The following VPS26C variants were observed in gnomAD, a reference collection of about 807,000 sequenced individuals.
The protein encoded by VPS26C is vacuolar protein sorting-associated protein 26C.
A neutral mutation model predicts 30.6 loss-of-function variants in VPS26C; 19 were observed. The observed-to-expected ratio is 0.62, with a 90% confidence interval of 0.43 to 0.91. VPS26C has a LOEUF of 0.91. Ranked by LOEUF, VPS26C falls within the 40% of genes least tolerant of loss-of-function variation. The pLI is 0.00. For synonymous variants in VPS26C, 132 were observed against 151.5 expected, an observed-to-expected ratio of 0.87 and a Z score of 0.95; for missense variants, 318 against 385.1, an observed-to-expected ratio of 0.83 and a Z score of 1.46.
chr21:37,262,759 A>G (rs2086318080), intron 1 of VPS26C, among the ~76,000 whole-genome samples: 1 of 151,438 alleles, frequency 6.6e-6, no homozygotes. Context: ...CTTCTTCTGT[A>G]GCACGTTAAT....
chr21:37,267,012 GGCGGCGGCGCCTGCCCTGGGGCCTCCTC>G (rs1390231769), intron 1 of VPS26C, 198 bp downstream of exon 1: 3 of 570,622 alleles, frequency 5.3e-6, no homozygotes, highest in Non-Finnish European at 9.4e-6. Flanking sequence ...CCGCAGATGC[GGCGGCGGCGCCTGCCCTGGGGCCTCCTC>G]GCAGGGCAGC....
At chr21:37,230,864 G>C (rs1276303307) in intron 5 of VPS26C, 1 of 152,434 alleles carries the variant, frequency 6.6e-6, no homozygotes, top group Non-Finnish European at 1.5e-5. Flanking sequence ...TCACCAGATG[G>C]GGGAAGCTGC....
At chr21:37,240,675 A>C (rs758244341) in intron 1 of VPS26C, 36 bp from the exon 2 acceptor site, 12 of 1,604,884 alleles carry the variant, frequency 7.5e-6, no homozygotes, top group Non-Finnish European at 1.0e-5. Context: ...TCAAATTAGC[A>C]TGCTTCCTCC....
Position 37,240,404 on chromosome 21 carries a change from C to T in VPS26C, c.201+92G>A. The T allele has an allele frequency of 2.1e-6, 3 of 1,441,178 alleles. No homozygotes were observed. In the South Asian group the frequency reaches 3.8e-5, roughly 18 times the overall value. The allele number at this position is 1,441,178 out of a possible 1,614,324, so 89.3% of individuals were successfully genotyped here. ...CCTCCCAAATTACTGAGATTACAGG[C>T]CTGAGCCACTGCGCCTGGCCCTGAG... On this transcript the variant is annotated intron_variant, in intron 2 of 7. Transcript: ENST00000309117.
intron 1 of VPS26C, among the ~76,000 whole-genome samples, chr21:37,246,174 A>G (rs1026147763): frequency 4.6e-5 from 7 of 152,204 alleles, no homozygotes; most frequent in African/African-American, 7.2e-5. Flanking sequence ...GGAGCACTCA[A>G]TGAAAATACT....
At chr21:37,254,939 A>C (rs764805698) in intron 1 of VPS26C, among the ~76,000 whole-genome samples, 3 of 152,190 alleles carry the variant, frequency 2.0e-5, no homozygotes, top group Non-Finnish European at 4.4e-5. Context: ...CTGGGGACAG[A>C]TCACCTAAGG....
Position 37,228,196 on chromosome 21 carries a change from C to T in VPS26C, c.658+27G>A, listed in dbSNP as rs780653432. 1.2e-5 allele frequency: 19 copies of T among 1,603,638 alleles called. No individual in the cohort carries two copies. In the East Asian group the frequency reaches 2.0e-4, roughly 17 times the overall value. ...GTGGCAGTCGAGGGGGACAGGCAAG[C>T]GCCAGGCCTGGTGGCACGGCCCTCA... On this transcript the variant is annotated intron_variant, in intron 6 of 7. Transcript: ENST00000309117.
chr21:37,243,558 A>C (rs549701818), intron 1 of VPS26C, among the ~76,000 whole-genome samples: 1 of 152,314 alleles, frequency 6.6e-6, no homozygotes, highest in Admixed American at 6.5e-5. Context: ...AGTAAAGGAA[A>C]GAGCTTTCAT....
In VPS26C at chr21:37,226,388, GT is replaced by G. The variant is rs1555928887; in HGVS notation, c.812-763del. 1 of 152,336 alleles carries G rather than the reference GT, an allele frequency of 6.6e-6. No homozygotes were observed. Among genetic ancestry groups the G allele is most frequent in the Non-Finnish European group, 1.5e-5 (1 of 68,136 alleles). The allele number at this position is 152,336 out of a possible 1,614,324, so 9.4% of individuals were successfully genotyped here. A position where few individuals can be genotyped will look rare whatever the true frequency, so the allele number is the denominator to read the frequency against. The stretch of plus-strand genomic sequence containing the variant: ...CTGGGGTCTGCAGGACAACATCCCC[GT>G]GTGGGAGTGTCCACCTCCGCCCAAA... On this transcript the variant is annotated intron_variant, in intron 7 of 7. Transcript: ENST00000309117. The surrounding 1 kb of genome is among the most constrained non-coding windows in gnomAD (Gnocchi z 4.1).
intron 1 of VPS26C, chr21:37,266,860 G>A (rs1602294678): frequency 2.9e-6 from 1 of 340,724 alleles, no homozygotes. Flanking sequence ...TAGGAGAGAG[G>A]GAAAGGGGAG....
intron 1 of VPS26C, among the ~76,000 whole-genome samples, chr21:37,259,627 A>C (rs548633366): frequency 1.3e-5 from 2 of 152,348 alleles, no homozygotes; most frequent in African/African-American, 4.8e-5. Flanking sequence ...ATTTGAGTCC[A>C]ACTTTTTGAT....
chr21:37,242,804 T>G (rs1182775724), intron 1 of VPS26C, among the ~76,000 whole-genome samples: 1 of 152,146 alleles, frequency 6.6e-6, no homozygotes, highest in Non-Finnish European at 1.5e-5. Flanking sequence ...ATTCTAACTA[T>G]GACATCAGTA....
At chr21:37,225,673 G>T in intron 7 of VPS26C, 47 bp from the exon 8 acceptor site, 1 of 1,504,658 alleles carries the variant, frequency 6.6e-7, no homozygotes, top group Non-Finnish European at 9.2e-7. Flanking sequence ...TTACCAAGCA[G>T]CGAAACCACA....
chr21:37,232,869 C>A lies in VPS26C; in HGVS notation c.433-418G>T, dbSNP rs1319527843. Among the ~76,000 whole-genome samples, 3 of 152,178 alleles carry A rather than the reference C, an allele frequency of 2.0e-5. No homozygotes were observed. In the East Asian group the frequency reaches 5.8e-4, roughly 29 times the overall value. On this transcript the variant is annotated intron_variant, in intron 4 of 7. Transcript: ENST00000309117. ...TGGCCTGCTCAGCTCAGTGGTGGAG[C>A]TGGGGGGCTGAGCATTGAACCCAGG...
chr21:37,253,791 G>A (rs2086216390), intron 1 of VPS26C, among the ~76,000 whole-genome samples: 1 of 152,142 alleles, frequency 6.6e-6, no homozygotes, highest in African/African-American at 2.4e-5. Context: ...TCTGGGCACT[G>A]ACATGACATT....
chr21:37,227,561 G>A (rs1194677108), intron 7 of VPS26C, 93 bp downstream of exon 7: 11 of 1,439,272 alleles, frequency 7.6e-6, no homozygotes, highest in South Asian at 3.7e-5. Context: ...ACCGAAGGGC[G>A]GCAGGTTCTG....
At chr21:37,260,863 ATC>A (rs1339619945) in intron 1 of VPS26C, among the ~76,000 whole-genome samples, 1 of 152,228 alleles carries the variant, frequency 6.6e-6, no homozygotes, top group East Asian at 1.9e-4. Flanking sequence ...TCTTATCAAC[ATC>A]TGTCTGAAAT....
At chr21:37,237,357 A>G (rs140329571) in intron 3 of VPS26C, 1 of 152,352 alleles carries the variant, frequency 6.6e-6, no homozygotes, top group African/African-American at 2.4e-5. Context: ...TCCAAAATCA[A>G]TGTTCAAGAT....
At chr21:37,234,513 G>A (rs868086485) in intron 3 of VPS26C, among the ~76,000 whole-genome samples, 2 of 152,176 alleles carry the variant, frequency 1.3e-5, no homozygotes, top group South Asian at 4.1e-4. Flanking sequence ...CGTGAGCTGA[G>A]AGACTATTTA....
Sources: allele counts gnomAD v4.1 joint callset (sites outside exome capture counted in the v4.1 genomes callset), GRCh38; gene constraint gnomAD v4.1.1; non-coding constraint Gnocchi (gnomAD v3.1); transcripts MANE v1.5; gene names NCBI Gene and HGNC (gene_info 2026-07-23, HGNC 2026-07-21).